Variants in TXNDC11 observed in about 807,000 individuals in gnomAD.
TXNDC11 encodes thioredoxin domain-containing protein 11.
Under a neutral mutation model 78.0 loss-of-function variants are expected in TXNDC11, and 68 were observed. The ratio of observed to expected loss-of-function variants is 0.87; its 90% CI spans 0.72 to 1.07. TXNDC11 has a LOEUF of 1.07. Among genes scored for constraint, TXNDC11 ranks in the 50% least tolerant of loss-of-function variants. TXNDC11 has a pLI of 0.00. For missense variants in TXNDC11, 1,389 were observed against 1,221.8 expected, an observed-to-expected ratio of 1.14 and a Z score of -2.04; for synonymous variants, 571 against 495.2, an observed-to-expected ratio of 1.15 and a Z score of -2.03.
At chr16:11,742,238 T>C in intron 1 of TXNDC11, 1 of 430,702 alleles carries the variant, frequency 2.3e-6, no homozygotes, top group Non-Finnish European at 4.1e-6. Context: ...CCCTCGGCAC[T>C]AAAGCGGGAC....
chr16:11,731,267 C>A (rs1020473149), intron 3 of TXNDC11, among the ~76,000 whole-genome samples: 8 of 152,186 alleles, frequency 5.3e-5, no homozygotes, highest in Non-Finnish European at 7.3e-5. Flanking sequence ...GACAAAGGAT[C>A]ACTGAATGAA....
At chr16:11,698,779 C>T (rs1030182613) in intron 6 of TXNDC11, among the ~76,000 whole-genome samples, 3 of 152,236 alleles carry the variant, frequency 2.0e-5, no homozygotes, top group Non-Finnish European at 4.4e-5. Flanking sequence ...AGCATGGAGC[C>T]TCCGTGCGGC....
At chr16:11,706,188 A>G (rs923910740) in intron 5 of TXNDC11, among the ~76,000 whole-genome samples, 5 of 152,260 alleles carry the variant, frequency 3.3e-5, no homozygotes, top group Non-Finnish European at 7.3e-5. Context: ...ACTGGTGTCA[A>G]TGATCACTGC....
chr16:11,686,733 A>G (rs567698494), intron 10 of TXNDC11, among the ~76,000 whole-genome samples: 1 of 152,340 alleles, frequency 6.6e-6, no homozygotes, highest in Non-Finnish European at 1.5e-5. Flanking sequence ...TCTCCTCTTA[A>G]AAGAAAAACC....
chr16:11,720,794 T>TGCAGTGGC (rs2051681972), intron 5 of TXNDC11, among the ~76,000 whole-genome samples: 1 of 151,752 alleles, frequency 6.6e-6, no homozygotes, highest in Admixed American at 6.6e-5. Flanking sequence ...AGTGCAGTGG[T>TGCAGTGGC]GCAGTGGCGC....
intron 7 of TXNDC11, among the ~76,000 whole-genome samples, chr16:11,693,153 A>G (rs550333852): frequency 1.3e-5 from 2 of 152,212 alleles, no homozygotes; most frequent in East Asian, 3.9e-4. Flanking sequence ...GCACATAACA[A>G]ATGCTCAGTA....
chr16:11,709,256 A>ATTTTTTTTTT (rs1555486409), intron 5 of TXNDC11, among the ~76,000 whole-genome samples: 1 of 99,462 alleles, frequency 1.0e-5, no homozygotes, highest in Non-Finnish European at 2.3e-5. Context: ...ATAAGCTGTG[A>ATTTTTTTTTT]TTCTTTTTTT....
chr16:11,701,850 T>C (rs1567313948), intron 5 of TXNDC11, among the ~76,000 whole-genome samples: 1 of 152,198 alleles, frequency 6.6e-6, no homozygotes, highest in Non-Finnish European at 1.5e-5. Flanking sequence ...GCAGCTGCTG[T>C]ACCGACTACA....
In TXNDC11 at chr16:11,704,829, A is replaced by G. The variant is rs546316859; in HGVS notation, c.794-4265T>C. 2.6e-3 allele frequency among the ~76,000 whole-genome samples: 389 copies of G among 152,310 alleles called. 2 individuals carry two copies. Among genetic ancestry groups the G allele is most frequent in the Admixed American group, 4.8e-3 (73 of 15,298 alleles). ...CCAGACTGGATCCTGAAACAAAAACAGACACTAGTGGAAACATGGAGACAA... is the reference window on the plus strand; with the variant it reads ...CCAGACTGGATCCTGAAACAAAAACGGACACTAGTGGAAACATGGAGACAA... On this transcript the variant is annotated intron_variant, in intron 5 of 11. Transcript: ENST00000283033.
rs1297306823 is a variant in TXNDC11 at position 11,742,837 on chromosome 16, C to A, written c.-107G>T. On this transcript the variant is annotated 5_prime_UTR_variant, in exon 1 of 12. Transcript: ENST00000283033. Reference sequence around the variant, plus strand: ...CCGCAGCTCGCCGCACCCGCTAACCCGGACGCTCCACGTCAGCCGCGCCGC... The same window carrying A: ...CCGCAGCTCGCCGCACCCGCTAACCAGGACGCTCCACGTCAGCCGCGCCGC... 4 of 1,351,922 alleles carry A rather than the reference C, an allele frequency of 3.0e-6. No individual in the cohort carries two copies. The highest frequency in any genetic ancestry group is 3.8e-6 in the Non-Finnish European group (4 of 1,056,624). 83.7% of individuals were successfully genotyped at this position (1,351,922 alleles called of 1,614,324 possible). A position where few individuals can be genotyped will look rare whatever the true frequency, so the allele number is the denominator to read the frequency against.
At chr16:11,689,191 C>T (rs531162851) in intron 8 of TXNDC11, among the ~76,000 whole-genome samples, 17 of 151,466 alleles carry the variant, frequency 1.1e-4, no homozygotes, top group Non-Finnish European at 2.2e-4. Context: ...TGGGCTCAAG[C>T]GATCCTCCTA....
At chr16:11,742,357 T>C (rs1459058895) in intron 1 of TXNDC11, 120 bp downstream of exon 1, 1 of 796,110 alleles carries the variant, frequency 1.3e-6, no homozygotes, top group African/African-American at 1.8e-5. Context: ...GGGTCAGCCG[T>C]CCTGGGCAAG....
At chr16:11,715,238 AAAC>A (rs2051494469) in intron 5 of TXNDC11, among the ~76,000 whole-genome samples, 1 of 152,210 alleles carries the variant, frequency 6.6e-6, no homozygotes, top group Non-Finnish European at 1.5e-5. Flanking sequence ...AAACAAAACA[AAAC>A]AAAAAAATAG....
At chr16:11,732,534 T>C (rs1444001567) in intron 3 of TXNDC11, among the ~76,000 whole-genome samples, 1 of 152,156 alleles carries the variant, frequency 6.6e-6, no homozygotes, top group Non-Finnish European at 1.5e-5. Context: ...GAACCTTCCA[T>C]GTAAAGGCAG....
chr16:11,699,580 G>C (rs2050953001), intron 6 of TXNDC11, among the ~76,000 whole-genome samples: 1 of 152,252 alleles, frequency 6.6e-6, no homozygotes, highest in East Asian at 1.9e-4. Flanking sequence ...AATATAAACT[G>C]CAAGAAGTAA....
At chr16:11,698,398 G>A (rs2050918299) in intron 6 of TXNDC11, 73 bp from the exon 7 acceptor site, 1 of 1,356,648 alleles carries the variant, frequency 7.4e-7, no homozygotes, top group Non-Finnish European at 1.0e-6. Context: ...CATCAGTGCT[G>A]TTCCAACCCC....
chr16:11,720,749 T>C (rs2051679948), intron 5 of TXNDC11, among the ~76,000 whole-genome samples: 1 of 151,472 alleles, frequency 6.6e-6, no homozygotes, highest in South Asian at 2.1e-4. Context: ...GGTTTTTTTT[T>C]TTGAGACAGG....
At position 11,679,481 on chromosome 16, in the gene TXNDC11, T is replaced by A; in HGVS notation, c.2591A>T (p.Glu864Val). The A allele has an allele frequency of 6.2e-7, 1 of 1,613,630 alleles. No individual in the cohort carries two copies. Among genetic ancestry groups the A allele is most frequent in the Non-Finnish European group, 8.5e-7 (1 of 1,180,028 alleles). ...AHSEQLQALY[E>V]QKTRELQELA... ...CTCCTGCAGCTCACGTGTCTTCTGC[T>A]CATAGAGGGCCTGCAGCTGCTCACT... is the stretch of plus-strand genomic sequence containing the variant. The change falls in exon 12 of 12, where the codon GAG (glutamate) becomes GTG (valine). Residue 864 changes from glutamate to valine, a missense_variant. Transcript: ENST00000283033. This position sits in a 1 kb window ranked among gnomAD's most constrained non-coding sequence, Gnocchi z 4.6.
chr16:11,699,632 C>T (rs552919805), intron 6 of TXNDC11, among the ~76,000 whole-genome samples: 6 of 152,364 alleles, frequency 3.9e-5, no homozygotes, highest in South Asian at 2.1e-4. Flanking sequence ...GAAGCCAGGG[C>T]GACTGGCAAG....
Sources: gnomAD v4.1 joint callset for allele counts (sites outside exome capture counted in the v4.1 genomes callset) on GRCh38, gnomAD v4.1.1 for gene constraint, Gnocchi (gnomAD v3.1) non-coding constraint, MANE v1.5 for transcripts, NCBI Gene and HGNC (gene_info 2026-07-23, HGNC 2026-07-21) for gene names.